MACROD2: variants seen among roughly 807,000 people sequenced by gnomAD.
MACROD2 encodes ADP-ribose glycohydrolase MACROD2.
In MACROD2, 36 loss-of-function variants were observed where a neutral mutation model predicts 70.4. That is an observed-to-expected ratio of 0.51 (90% CI 0.39 to 0.68). The LOEUF (loss-of-function observed/expected upper bound fraction) is 0.68, where lower values mean the gene tolerates loss of function less well. Ranked by LOEUF, MACROD2 falls within the 30% of genes least tolerant of loss-of-function variation. The pLI is 0.00. For synonymous variants in MACROD2, 172 were observed against 178.8 expected, an observed-to-expected ratio of 0.96 and a Z score of 0.30; for missense variants, 496 against 538.4, an observed-to-expected ratio of 0.92 and a Z score of 0.78.
At chr20:14,523,865 C>T (rs1273160483) in intron 4 of MACROD2, among the ~76,000 whole-genome samples, 3 of 152,164 alleles carry the variant, frequency 2.0e-5, no homozygotes, top group South Asian at 2.1e-4. Context: ...AAGAGTCCAG[C>T]GAATGGTATT....
chr20:14,743,811 G>A (rs75573539), intron 5 of MACROD2, among the ~76,000 whole-genome samples: 3,998 of 152,166 alleles, frequency 0.026, 189 homozygotes, highest in African/African-American at 0.091. Context: ...CTTTCAGATC[G>A]GGAGATTATC....
chr20:14,178,577 T>C (rs936349315), intron 3 of MACROD2, among the ~76,000 whole-genome samples: 1 of 152,006 alleles, frequency 6.6e-6, no homozygotes, highest in Admixed American at 6.6e-5. Flanking sequence ...TGTACATGGA[T>C]TGAGTAGAAA....
chr20:15,667,800 A>G (rs2049922198), intron 8 of MACROD2, among the ~76,000 whole-genome samples: 1 of 152,180 alleles, frequency 6.6e-6, no homozygotes, highest in Non-Finnish European at 1.5e-5. Context: ...TTCAATATAG[A>G]ACAGTGTCCT....
chr20:15,486,776 A>G (rs539808727), intron 7 of MACROD2, among the ~76,000 whole-genome samples: 1 of 152,344 alleles, frequency 6.6e-6, no homozygotes, highest in African/African-American at 2.4e-5. Context: ...CAAGTGTTGT[A>G]TATCCTCAGA....
intron 6 of MACROD2, among the ~76,000 whole-genome samples, chr20:15,317,887 T>C (rs1174350515): frequency 6.6e-6 from 1 of 152,090 alleles, no homozygotes; most frequent in Non-Finnish European, 1.5e-5. Context: ...CCAGAGACAC[T>C]GTTACAAAAA....
chr20:15,195,443 AAAG>A (rs1410026918), intron 5 of MACROD2, among the ~76,000 whole-genome samples: 3 of 152,194 alleles, frequency 2.0e-5, no homozygotes, highest in African/African-American at 7.2e-5. Flanking sequence ...ACACCTCTCA[AAAG>A]AAGACATACT....
chr20:14,851,471 C>T (rs1161246616), intron 5 of MACROD2, among the ~76,000 whole-genome samples: 1 of 152,122 alleles, frequency 6.6e-6, no homozygotes, highest in African/African-American at 2.4e-5. Context: ...GTTGAAAATT[C>T]CTGGTAGATG....
intron 8 of MACROD2, among the ~76,000 whole-genome samples, chr20:15,500,770 A>C (rs1219147483): frequency 6.6e-6 from 1 of 152,174 alleles, no homozygotes; most frequent in Non-Finnish European, 1.5e-5. Flanking sequence ...CAGCAGTGTC[A>C]TTTTCTAATT....
intron 3 of MACROD2, among the ~76,000 whole-genome samples, chr20:14,097,538 T>C (rs558505595): frequency 7.2e-4 from 110 of 152,344 alleles, no homozygotes; most frequent in African/African-American, 2.5e-3. Flanking sequence ...ATTTACATTG[T>C]GATTAATTAT....
chr20:14,031,573 G>A (rs886714674), intron 2 of MACROD2, among the ~76,000 whole-genome samples: 3 of 152,004 alleles, frequency 2.0e-5, no homozygotes, highest in African/African-American at 7.2e-5. Flanking sequence ...GATTTATGTT[G>A]TGTGATGACA....
chr20:14,281,200 AATCAAATGCAATATAT>A (rs1225385246), intron 3 of MACROD2, among the ~76,000 whole-genome samples: 1 of 152,238 alleles, frequency 6.6e-6, no homozygotes, highest in Non-Finnish European at 1.5e-5. Flanking sequence ...TCAATGGATA[AATCAAATGCAATATAT>A]CCATACAATG....
At chr20:14,977,010 T>G (rs1293610823) in intron 5 of MACROD2, among the ~76,000 whole-genome samples, 3 of 152,194 alleles carry the variant, frequency 2.0e-5, no homozygotes, top group African/African-American at 7.2e-5. Flanking sequence ...GCTGTTTCTC[T>G]AAAATCAATG....
chr20:14,855,412 G>A (rs969931929), intron 5 of MACROD2, among the ~76,000 whole-genome samples: 41 of 152,210 alleles, frequency 2.7e-4, no homozygotes, highest in African/African-American at 9.9e-4. Flanking sequence ...GGCGGGGGAA[G>A]GTCCCTGAAG....
Position 15,601,463 on chromosome 20 carries a change from A to T in MACROD2, c.645+101616A>T, listed in dbSNP as rs181597727. Among the ~76,000 whole-genome samples, 586 of 152,020 alleles carry T rather than the reference A, an allele frequency of 3.9e-3. 1 individual carries two copies. The highest frequency in any genetic ancestry group is 0.014 in the Middle Eastern group (4 of 288). On this transcript the variant is annotated intron_variant, in intron 8 of 17. Coordinates refer to ENST00000684519, the MANE Select transcript of MACROD2 (RefSeq NM_001351661.2). ...AAATTTAAGTTCACACCTTCATGCA[A>T]AAAAAAAGAAAAAATCATACTTTGT...
chr20:14,401,855 A>G (rs865969812), intron 3 of MACROD2, among the ~76,000 whole-genome samples: 4 of 152,058 alleles, frequency 2.6e-5, no homozygotes, highest in South Asian at 4.1e-4. Flanking sequence ...CTGCTAGACT[A>G]TCATACTGAT....
chr20:14,921,415 T>C (rs543893831), intron 5 of MACROD2, among the ~76,000 whole-genome samples: 2 of 152,226 alleles, frequency 1.3e-5, no homozygotes, highest in East Asian at 1.9e-4. Context: ...TCCAGAAAAA[T>C]TTAAGATTGG....
At chr20:15,074,878 C>G (rs2075646539) in intron 5 of MACROD2, among the ~76,000 whole-genome samples, 1 of 152,154 alleles carries the variant, frequency 6.6e-6, no homozygotes, top group South Asian at 2.1e-4. Flanking sequence ...GAATGTCAGG[C>G]ACTGCAAGCG....
intron 5 of MACROD2, among the ~76,000 whole-genome samples, chr20:14,784,668 T>TGGC (rs1555829919): frequency 2.1e-5 from 2 of 94,778 alleles, no homozygotes; most frequent in Non-Finnish European, 2.3e-5. Flanking sequence ...GTGTTTTAAG[T>TGGC]GGGGGGGGGG....
intron 5 of MACROD2, among the ~76,000 whole-genome samples, chr20:14,980,730 T>C (rs1308400285): frequency 6.6e-6 from 1 of 152,202 alleles, no homozygotes; most frequent in African/African-American, 2.4e-5. Flanking sequence ...TTGCCATTTT[T>C]ATTGACCATG....
Sources: allele counts gnomAD v4.1 joint callset (sites outside exome capture counted in the v4.1 genomes callset), GRCh38; gene constraint gnomAD v4.1.1; transcripts MANE v1.5; gene names NCBI Gene and HGNC (gene_info 2026-07-23, HGNC 2026-07-21).